GSG1L: variants seen among roughly 807,000 people sequenced by gnomAD.
The protein encoded by GSG1L is GSG1 like.
A neutral mutation model predicts 42.1 loss-of-function variants in GSG1L; 24 were observed. The observed-to-expected ratio is 0.57, with a 90% confidence interval of 0.41 to 0.80. The LOEUF (loss-of-function observed/expected upper bound fraction) is 0.80. Ranked by LOEUF, GSG1L falls within the 30% of genes least tolerant of loss-of-function variation. GSG1L has a pLI of 0.00. For synonymous variants in GSG1L, 215 were observed against 203.5 expected (o/e 1.06, Z -0.48); for missense variants, 445 against 472.2 (o/e 0.94, Z 0.53).
intron 5 of GSG1L, chr16:27,823,758 TCCTA>T: frequency 3.0e-6 from 2 of 672,522 alleles, no homozygotes; most frequent in Middle Eastern, 3.6e-4. Flanking sequence ...TGTGCCCAGG[TCCTA>T]GCTCAATACC....
At chr16:27,950,767 C>T (rs1349081025) in intron 2 of GSG1L, among the ~76,000 whole-genome samples, 1 of 152,112 alleles carries the variant, frequency 6.6e-6, no homozygotes, top group Non-Finnish European at 1.5e-5. Context: ...GCCAGGTTCC[C>T]AGCACTGAGA....
intron 6 of GSG1L, among the ~76,000 whole-genome samples, chr16:27,796,728 C>T (rs570540791): frequency 6.6e-5 from 10 of 152,328 alleles, no homozygotes; most frequent in South Asian, 6.2e-4. Flanking sequence ...TGGGGTCATC[C>T]TCAGGGATTC....
rs1404399253 is a variant in GSG1L, at chr16:28,040,656, T to G, written c.349+22420A>C. Among the ~76,000 whole-genome samples the G allele has an allele frequency of 6.6e-6, 1 of 152,204 alleles. No homozygotes were observed. The highest frequency in any genetic ancestry group is 2.4e-5 in the African/African-American group (1 of 41,460). On this transcript the variant is annotated intron_variant, in intron 1 of 6. Transcript: ENST00000447459. The surrounding 1 kb of genome is among the most constrained non-coding windows in gnomAD (Gnocchi z 4.1). ...AGAAGAGACCCGCAGGACATGAAGA[T>G]GCTCTCAGAGCCCCCAGGCCTGAGA...
chr16:27,926,293 A>G (rs2084591516), intron 2 of GSG1L, among the ~76,000 whole-genome samples: 1 of 152,198 alleles, frequency 6.6e-6, no homozygotes, highest in African/African-American at 2.4e-5. Context: ...CAGGCTAGGA[A>G]GGCAGCCATG....
chr16:27,850,028 T>TTTTTC (rs1283444592), intron 3 of GSG1L, among the ~76,000 whole-genome samples: 1 of 119,950 alleles, frequency 8.3e-6, no homozygotes, highest in Non-Finnish European at 1.7e-5. Context: ...AATGCCTTTT[T>TTTTTC]TTTTTTTTTT....
At position 27,836,960 on chromosome 16, in the gene GSG1L, C is replaced by G. The variant is rs911288933; in HGVS notation, c.662+7990G>C. Among the ~76,000 whole-genome samples the G allele has an allele frequency of 2.0e-5, 3 of 152,186 alleles. No individual in the cohort carries two copies. The South Asian group carries it at 6.2e-4, about 31-fold the overall frequency. ...TAAACTGTCTGCTCTAGTTGGCTTCCTTTCACATCATTCTGGCAAGGTGGC... is the reference window on the plus strand; with the variant it reads ...TAAACTGTCTGCTCTAGTTGGCTTCGTTTCACATCATTCTGGCAAGGTGGC... On this transcript the variant is annotated intron_variant, in intron 4 of 6. Transcript: ENST00000447459.
intron 1 of GSG1L, among the ~76,000 whole-genome samples, chr16:28,005,389 C>T (rs987494131): frequency 1.3e-5 from 2 of 152,224 alleles, no homozygotes; most frequent in Admixed American, 6.5e-5. Context: ...GGTGGGATTA[C>T]AGCCCAGCCT....
intron 4 of GSG1L, among the ~76,000 whole-genome samples, chr16:27,837,375 C>T (rs1596545046): frequency 6.6e-6 from 1 of 151,876 alleles, no homozygotes; most frequent in East Asian, 1.9e-4. Context: ...TTGTACAAGC[C>T]TAACCATATC....
At chr16:27,845,414 T>G (rs1567483039) in intron 3 of GSG1L, among the ~76,000 whole-genome samples, 1 of 152,156 alleles carries the variant, frequency 6.6e-6, no homozygotes, top group Non-Finnish European at 1.5e-5. Context: ...ATTTTCATTT[T>G]TGTAGAAATG....
At chr16:27,920,163 C>G (rs1289779874) in intron 2 of GSG1L, among the ~76,000 whole-genome samples, 1 of 152,224 alleles carries the variant, frequency 6.6e-6, no homozygotes, top group Admixed American at 6.5e-5. Flanking sequence ...AACCAGAACT[C>G]ACATCCAGGC....
At chr16:27,910,475 G>A (rs1424643773) in intron 2 of GSG1L, among the ~76,000 whole-genome samples, 1 of 152,210 alleles carries the variant, frequency 6.6e-6, no homozygotes, top group Non-Finnish European at 1.5e-5. Context: ...TCAAGAAACT[G>A]AGGCATGAAA....
At chr16:27,817,482 A>G (rs61248338) in intron 5 of GSG1L, among the ~76,000 whole-genome samples, 2 of 150,366 alleles carry the variant, frequency 1.3e-5, no homozygotes, top group Non-Finnish European at 3.0e-5. Context: ...GACTCCCCCC[A>G]CCCCCTTAAT....
intron 3 of GSG1L, among the ~76,000 whole-genome samples, chr16:27,868,291 G>T (rs529111192): frequency 3.9e-5 from 6 of 152,358 alleles, no homozygotes; most frequent in African/African-American, 1.4e-4. Context: ...CCAGCTAACA[G>T]GTCCTGATCC....
chr16:27,993,373 C>T (rs1382470324), intron 1 of GSG1L, among the ~76,000 whole-genome samples: 1 of 152,200 alleles, frequency 6.6e-6, no homozygotes, highest in African/African-American at 2.4e-5. Context: ...TGGCCTCGAA[C>T]TCCTGAGCTC....
At chr16:27,913,779 A>G (rs1312430325) in intron 2 of GSG1L, among the ~76,000 whole-genome samples, 1 of 152,182 alleles carries the variant, frequency 6.6e-6, no homozygotes, top group Non-Finnish European at 1.5e-5. Context: ...CTTTTAAAGA[A>G]AAGTCTGCTG....
intron 3 of GSG1L, among the ~76,000 whole-genome samples, chr16:27,861,210 AAT>A (rs936504315): frequency 6.6e-6 from 1 of 151,986 alleles, no homozygotes; most frequent in Non-Finnish European, 1.5e-5. Context: ...TCTATTAAAA[AAT>A]ATATATATAC....
chr16:27,843,119 G>A (rs2083405133), intron 4 of GSG1L, among the ~76,000 whole-genome samples: 3 of 152,184 alleles, frequency 2.0e-5, no homozygotes, highest in South Asian at 4.1e-4. Context: ...TGTCCTAGAG[G>A]AAGTACTCAG....
chr16:28,063,390 GC>G lies in GSG1L; in HGVS notation c.34del (p.Ala12ProfsTer4). 7.4e-7 allele frequency: 1 copy of G among 1,354,362 alleles called. No individual in the cohort carries two copies. Among genetic ancestry groups the G allele is most frequent in the Non-Finnish European group, 9.6e-7 (1 of 1,043,930 alleles). 83.9% of individuals were successfully genotyped at this position (1,354,362 alleles called of 1,614,324 possible). A position where few individuals can be genotyped will look rare whatever the true frequency, so the allele number is the denominator to read the frequency against. On this transcript the variant is annotated frameshift_variant, in exon 1 of 7. Transcript: ENST00000447459. LOFTEE classifies it high-confidence loss of function. The surrounding 1 kb of genome is among the most constrained non-coding windows in gnomAD (Gnocchi z 5.8). ...KTSRRGRALL[A>X]VALNLLALLF... is the part of the protein sequence containing the mutation. ...CAGCGCCAGCAGGTTCAGGGCCACG[GC>G]CAGGAGCGCTCGGCCGCGGCGGCTA...
intron 1 of GSG1L, among the ~76,000 whole-genome samples, chr16:28,012,292 T>C (rs1420073557): frequency 6.6e-6 from 1 of 152,054 alleles, no homozygotes; most frequent in Non-Finnish European, 1.5e-5. Context: ...GCACACATCA[T>C]GTGGTATTCT....
Sources: gnomAD v4.1 joint callset for allele counts (sites outside exome capture counted in the v4.1 genomes callset) on GRCh38, gnomAD v4.1.1 for gene constraint, Gnocchi (gnomAD v3.1) non-coding constraint, MANE v1.5 for transcripts, NCBI Gene and HGNC (gene_info 2026-07-23, HGNC 2026-07-21) for gene names.